GNG2: variants seen among roughly 807,000 people sequenced by gnomAD.
The protein encoded by GNG2 is guanine nucleotide-binding protein G(I)/G(S)/G(O) subunit gamma-2.
In GNG2, 5 loss-of-function variants were observed where a neutral mutation model predicts 5.5. That is an observed-to-expected ratio of 0.91 (90% CI 0.48 to 1.92). The LOEUF (loss-of-function observed/expected upper bound fraction) is 1.92. Ranked by LOEUF, GNG2 falls within the 30% of genes most tolerant of loss-of-function variation. The pLI, the probability that GNG2 is intolerant of heterozygous loss-of-function variation, is 0.01. For missense variants in GNG2, 55 were observed against 88.4 expected (o/e 0.62, Z 1.52); for synonymous variants, 28 against 32.0 (o/e 0.88, Z 0.42).
chr14:51,890,601 A>G (rs1435064045), intron 2 of GNG2, among the ~76,000 whole-genome samples: 1 of 152,216 alleles, frequency 6.6e-6, no homozygotes, highest in Non-Finnish European at 1.5e-5. Context: ...AAAATTCCAT[A>G]AGATAACTTT....
intron 2 of GNG2, among the ~76,000 whole-genome samples, chr14:51,948,696 A>G (rs1888785173): frequency 6.6e-6 from 1 of 152,120 alleles, no homozygotes; most frequent in African/African-American, 2.4e-5. Flanking sequence ...TCCTTTTATT[A>G]TTTTGTTTTT....
At chr14:51,897,545 A>C (rs887449552) in intron 2 of GNG2, among the ~76,000 whole-genome samples, 1 of 152,232 alleles carries the variant, frequency 6.6e-6, no homozygotes, top group African/African-American at 2.4e-5. Context: ...GTAACTTCAA[A>C]AAAGGAGAGA....
chr14:51,917,956 G>A (rs1345258861), intron 2 of GNG2, among the ~76,000 whole-genome samples: 1 of 151,402 alleles, frequency 6.6e-6, no homozygotes, highest in Non-Finnish European at 1.5e-5. Context: ...AACTTGGAAA[G>A]TGGAGGTTGC....
chr14:51,913,644 C>G (rs1443866232), intron 2 of GNG2, among the ~76,000 whole-genome samples: 2 of 152,076 alleles, frequency 1.3e-5, no homozygotes, highest in East Asian at 1.9e-4. Flanking sequence ...AGGGAAGAAG[C>G]AGAGATGTAG....
At chr14:51,890,757 G>A (rs1378917665) in intron 2 of GNG2, among the ~76,000 whole-genome samples, 10 of 152,118 alleles carry the variant, frequency 6.6e-5, no homozygotes, top group African/African-American at 1.4e-4. Flanking sequence ...TTCAATAAGC[G>A]GATGGGCTTT....
chr14:51,892,301 TTTTA>T (rs1884910238), intron 2 of GNG2, among the ~76,000 whole-genome samples: 2 of 151,876 alleles, frequency 1.3e-5, no homozygotes, highest in Admixed American at 1.3e-4. Context: ...TTTTTCTTTC[TTTTA>T]TTTATTTTAT....
In GNG2 at chr14:51,876,680, A is replaced by G. The variant is rs141283152; in HGVS notation, c.-70-937A>G. Among the ~76,000 whole-genome samples, 221 of 152,162 alleles carry G rather than the reference A, an allele frequency of 1.5e-3. 1 individual carries two copies. Among genetic ancestry groups the G allele is most frequent in the African/African-American group, 5.2e-3 (215 of 41,508 alleles). On this transcript the variant is annotated intron_variant, in intron 1 of 3. Coordinates refer to ENST00000556766, the MANE Select transcript of GNG2 (RefSeq NM_053064.5). ...TCTAATAACTTTAGCCCATTTAAAAACATATGGCCCCTATGGTAGTCTGGG... is the reference window on the plus strand; with the variant it reads ...TCTAATAACTTTAGCCCATTTAAAAGCATATGGCCCCTATGGTAGTCTGGG...
At chr14:51,849,028 TTA>T in intron 2 of GNG2, among the ~76,000 whole-genome samples, 1 of 152,306 alleles carries the variant, frequency 6.6e-6, no homozygotes. Flanking sequence ...TTTTTTTCTC[TTA>T]TAGTTTCTGT....
intron 2 of GNG2, chr14:51,914,002 A>T (rs1886452650): frequency 2.0e-6 from 1 of 498,746 alleles, no homozygotes; most frequent in Non-Finnish European, 3.6e-6. Flanking sequence ...CTAAAATTTT[A>T]TCTGTAGGTA....
intron 2 of GNG2, among the ~76,000 whole-genome samples, chr14:51,936,364 C>T (rs1292567373): frequency 6.6e-6 from 1 of 152,062 alleles, no homozygotes; most frequent in Non-Finnish European, 1.5e-5. Flanking sequence ...GGGGACCGGT[C>T]TCAAAAATGT....
intron 3 of GNG2, chr14:51,951,787 G>C: frequency 1.5e-6 from 1 of 674,096 alleles, no homozygotes; most frequent in Non-Finnish European, 2.7e-6. Flanking sequence ...TTTACATATT[G>C]TCTATGGCTG....
At chr14:51,885,260 T>C (rs1884371228) in intron 2 of GNG2, among the ~76,000 whole-genome samples, 1 of 152,190 alleles carries the variant, frequency 6.6e-6, no homozygotes, top group South Asian at 2.1e-4. Context: ...TCAATTGAGA[T>C]AATGAATAGG....
chr14:51,921,919 A>G (rs191681226), intron 2 of GNG2, among the ~76,000 whole-genome samples: 12 of 152,346 alleles, frequency 7.9e-5, no homozygotes, highest in Admixed American at 7.2e-4. Flanking sequence ...AATAAACAGC[A>G]TCATTTTCTC....
Position 51,966,963 on chromosome 14 carries a change from C to CA in GNG2, c.*276_*277insA, listed in dbSNP as rs1555359276. On this transcript the variant is annotated 3_prime_UTR_variant, in exon 4 of 4. Transcript: ENST00000556766. ...TCACTTCTTTTCTGCTATCCCCCAG[C>CA]CCCCCCCCCAAAATCCTCATGTTTC... is the stretch of plus-strand genomic sequence containing the variant. The CA allele has an allele frequency of 1.8e-5, 1 of 56,072 alleles. No homozygotes were observed. Among genetic ancestry groups the CA allele is most frequent in the Non-Finnish European group, 2.9e-5 (1 of 35,046 alleles). The allele number at this position is 56,072 out of a possible 1,614,324, so 3.5% of individuals were successfully genotyped here. A position where few individuals can be genotyped will look rare whatever the true frequency, so the allele number is the denominator to read the frequency against.
chr14:51,879,004 C>T (rs1303976283), intron 2 of GNG2, among the ~76,000 whole-genome samples: 1 of 152,228 alleles, frequency 6.6e-6, no homozygotes, highest in African/African-American at 2.4e-5. Flanking sequence ...TCATTATCAT[C>T]TTTGGTATCC....
chr14:51,884,951 C>G (rs1428975736), intron 2 of GNG2, among the ~76,000 whole-genome samples: 1 of 152,140 alleles, frequency 6.6e-6, no homozygotes. Context: ...CTCATCCTTT[C>G]TGGTCCCAAG....
chr14:51,943,215 G>A (rs143750450), intron 2 of GNG2, among the ~76,000 whole-genome samples: 1 of 152,272 alleles, frequency 6.6e-6, no homozygotes, highest in African/African-American at 2.4e-5. Flanking sequence ...GGAGTAGTGT[G>A]TAGAAATGAA....
chr14:51,849,294 TCAAGGAGGC>T lies in GNG2; in HGVS notation c.64+21493_64+21501del, dbSNP rs562923541. Among the ~76,000 whole-genome samples the T allele has an allele frequency of 3.5e-4, 53 of 152,270 alleles. 1 individual carries two copies. The highest frequency in any genetic ancestry group is 1.1e-3 in the African/African-American group (47 of 41,544). On this transcript the variant is annotated intron_variant, in intron 2 of 3. Coordinates refer to the GNG2 transcript ENST00000553432. Reference sequence around the variant, plus strand: ...ACCTGGTTTCCCCCAGAGCAAATGCTCAAGGAGGCCAAGGTGGAAGCTACAGGGCCTGTT... The same window carrying T: ...ACCTGGTTTCCCCCAGAGCAAATGCTCAAGGTGGAAGCTACAGGGCCTGTT...
intron 2 of GNG2, among the ~76,000 whole-genome samples, chr14:51,914,830 C>T (rs1253688): frequency 6.6e-6 from 1 of 152,142 alleles, no homozygotes; most frequent in Non-Finnish European, 1.5e-5. Flanking sequence ...TGACGAGAGT[C>T]ACTCACTTAC....
Sources: gnomAD v4.1 joint callset for allele counts (sites outside exome capture counted in the v4.1 genomes callset) on GRCh38, gnomAD v4.1.1 for gene constraint, MANE v1.5 for transcripts, NCBI Gene and HGNC (gene_info 2026-07-23, HGNC 2026-07-21) for gene names.